The following ETV1 variants were observed in gnomAD, a reference collection of about 807,000 sequenced individuals.
ETV1 encodes the protein ETS translocation variant 1.
In ETV1, 27 loss-of-function variants were observed where a neutral mutation model predicts 62.3. That is an observed-to-expected ratio of 0.43 (90% confidence interval 0.32 to 0.60). The LOEUF is 0.60. ETV1 is among the 20% of genes least tolerant of loss of function. The pLI is 0.06. For missense variants in ETV1, 605 were observed against 605.8 expected, an observed-to-expected ratio of 1.00 and a Z score of 0.01; for synonymous variants, 222 against 199.6, an observed-to-expected ratio of 1.11 and a Z score of -0.94.
chr7:13,911,457 G>A, intron 9 of ETV1, 150 bp from the exon 10 acceptor site: 1 of 590,608 alleles, frequency 1.7e-6, no homozygotes, highest in Non-Finnish European at 3.1e-6. Flanking sequence ...TTCAGGCAGG[G>A]CCCACACATG....
intron 5 of ETV1, among the ~76,000 whole-genome samples, chr7:13,977,881 A>C (rs1781609154): frequency 6.6e-6 from 1 of 152,146 alleles, no homozygotes; most frequent in African/African-American, 2.4e-5. Context: ...TTAACCACAC[A>C]ATTATTTTAA....
intron 6 of ETV1, among the ~76,000 whole-genome samples, chr7:13,948,543 T>A (rs918193417): frequency 6.6e-6 from 1 of 152,198 alleles, no homozygotes; most frequent in East Asian, 1.9e-4. Flanking sequence ...TTACAGCTCA[T>A]GGGCCACATC....
chr7:13,897,175 G>T (rs755941430), intron 13 of ETV1, among the ~76,000 whole-genome samples: 1 of 152,104 alleles, frequency 6.6e-6, no homozygotes, highest in South Asian at 2.1e-4. Context: ...GATGAATACA[G>T]TTCTTTCTAT....
chr7:13,987,012 C>T, intron 4 of ETV1: 2 of 236,910 alleles, frequency 8.4e-6, no homozygotes, highest in South Asian at 1.5e-4. Flanking sequence ...TGTCTGTTCA[C>T]TGAAATCTTC....
intron 5 of ETV1, among the ~76,000 whole-genome samples, chr7:13,983,505 C>A (rs571256653): frequency 2.0e-5 from 3 of 151,686 alleles, no homozygotes; most frequent in Non-Finnish European, 1.5e-5. Context: ...ATTGCAATTG[C>A]CTTTCTGTCA....
chr7:13,949,046 A>G (rs181713951), intron 6 of ETV1, among the ~76,000 whole-genome samples: 1 of 152,326 alleles, frequency 6.6e-6, no homozygotes, highest in East Asian at 1.9e-4. Context: ...GTGATGATGT[A>G]TAACATGGAG....
At chr7:13,928,171 A>G (rs1785647253) in intron 9 of ETV1, among the ~76,000 whole-genome samples, 1 of 152,208 alleles carries the variant, frequency 6.6e-6, no homozygotes, top group Non-Finnish European at 1.5e-5. Context: ...AAGATGCTGT[A>G]TTTCGCCCTT....
In ETV1 at chr7:13,939,209, T is replaced by C. The variant is rs745340321; in HGVS notation, c.273A>G (p.Glu91=). 8 of 1,609,340 alleles carry C rather than the reference T, an allele frequency of 5.0e-6. No individual in the cohort carries two copies. Among genetic ancestry groups the C allele is most frequent in the Non-Finnish European group, 6.8e-6 (8 of 1,178,920 alleles). ...TGATTTCTGAACATGGACTGTGGGG[T>C]TCTTTCTTGATTTTCAGTGGCAGGC... ...FHGLPLKIKK[E]PHSPCSEISS... The change falls in exon 7 of 14, where the codon GAA becomes GAG. Residue 91 remains glutamate, a synonymous_variant. Transcript: ENST00000430479.
At chr7:13,988,376 A>G in intron 3 of ETV1, 2 of 583,436 alleles carry the variant, frequency 3.4e-6, no homozygotes, top group Non-Finnish European at 6.0e-6. Context: ...TTAAGCAGGC[A>G]GGGAGAGTTG....
At chr7:13,956,196 C>T (rs536017214) in intron 6 of ETV1, among the ~76,000 whole-genome samples, 1 of 152,204 alleles carries the variant, frequency 6.6e-6, no homozygotes, top group African/African-American at 2.4e-5. Flanking sequence ...ACACTTGTAA[C>T]CTAAGAAATG....
intron 6 of ETV1, among the ~76,000 whole-genome samples, chr7:13,960,366 T>G (rs189935767): frequency 1.3e-5 from 2 of 152,300 alleles, no homozygotes; most frequent in East Asian, 3.9e-4. Context: ...TAAGTAGATA[T>G]TGATACTGCC....
chr7:13,943,283 A>G (rs1007657616), intron 6 of ETV1, among the ~76,000 whole-genome samples: 17 of 152,234 alleles, frequency 1.1e-4, no homozygotes, highest in Non-Finnish European at 2.5e-4. Context: ...CTGCAAAATA[A>G]TCCACATGAG....
chr7:13,921,204 T>A (rs1784810395), intron 9 of ETV1, among the ~76,000 whole-genome samples: 1 of 152,182 alleles, frequency 6.6e-6, no homozygotes, highest in African/African-American at 2.4e-5. Context: ...AAGCAAGTGA[T>A]GTTTTGTAAT....
chr7:13,916,766 CA>C (rs965061034), intron 9 of ETV1, among the ~76,000 whole-genome samples: 13 of 151,718 alleles, frequency 8.6e-5, no homozygotes, highest in Non-Finnish European at 1.5e-5. Flanking sequence ...CCATCTCTAC[CA>C]AAAATACTTG....
chr7:13,971,463 T>A (rs1780897264), intron 6 of ETV1, among the ~76,000 whole-genome samples: 1 of 152,206 alleles, frequency 6.6e-6, no homozygotes, highest in Non-Finnish European at 1.5e-5. Flanking sequence ...GTACAGAAGT[T>A]TGCAAAAGAT....
rs115652719 is a variant in ETV1, at chr7:13,968,799, A to C, written c.235+8628T>G. On this transcript the variant is annotated intron_variant, in intron 6 of 13. Transcript: ENST00000430479. ...AAAAGATTTGTTTCCCTGTCAACTT[A>C]CAGATAAGTAAGTAAAGGTTAAGAG... 8.8e-3 allele frequency among the ~76,000 whole-genome samples: 1,339 copies of C among 152,072 alleles called. 16 individuals carry two copies. The highest frequency in any genetic ancestry group is 0.03 in the African/African-American group (1,246 of 41,494).
intron 3 of ETV1, 169 bp from the exon 4 acceptor site, chr7:13,988,342 CTTAT>C: frequency 1.7e-6 from 1 of 590,446 alleles, no homozygotes; most frequent in South Asian, 2.2e-5. Context: ...CATTTTCTCA[CTTAT>C]TTGACAGTGA....
chr7:13,929,738 G>T (rs1785869088), intron 9 of ETV1, among the ~76,000 whole-genome samples: 1 of 152,180 alleles, frequency 6.6e-6, no homozygotes, highest in Non-Finnish European at 1.5e-5. Context: ...AGGCCACTTG[G>T]GCAGAGAATT....
chr7:13,962,367 C>A (rs1790286443), intron 6 of ETV1, among the ~76,000 whole-genome samples: 1 of 151,956 alleles, frequency 6.6e-6, no homozygotes, highest in Non-Finnish European at 1.5e-5. Flanking sequence ...GGCCTAGGTC[C>A]AATGTCCTAC....
Sources: gnomAD v4.1 joint callset for allele counts (sites outside exome capture counted in the v4.1 genomes callset) on GRCh38, gnomAD v4.1.1 for gene constraint, MANE v1.5 for transcripts, NCBI Gene and HGNC (gene_info 2026-07-23, HGNC 2026-07-21) for gene names.